TMEM123: variants seen among roughly 807,000 people sequenced by gnomAD.
The protein encoded by TMEM123 is porimin.
In TMEM123, 16 loss-of-function variants were observed where a neutral mutation model predicts 19.7. The ratio of observed to expected loss-of-function variants is 0.81; its 90% CI spans 0.55 to 1.23. TMEM123 has a LOEUF of 1.23. Ranked by LOEUF, TMEM123 falls within the 50% of genes most tolerant of loss-of-function variation. The probability of loss-of-function intolerance (pLI) is 0.00; values close to 1 mark genes in which losing one functional copy is unlikely to be tolerated. For missense variants in TMEM123, 313 were observed against 257.8 expected (o/e 1.21, Z -1.47); for synonymous variants, 118 against 99.4 (o/e 1.19, Z -1.12).
chr11:102,432,365 T>G (rs956453223), intron 2 of TMEM123, among the ~76,000 whole-genome samples: 2 of 152,184 alleles, frequency 1.3e-5, no homozygotes, highest in African/African-American at 4.8e-5. Flanking sequence ...AGATGCAGAT[T>G]TGAGGAACCT....
At chr11:102,429,351 T>A (rs1417713489) in intron 2 of TMEM123, among the ~76,000 whole-genome samples, 1 of 152,228 alleles carries the variant, frequency 6.6e-6, no homozygotes, top group East Asian at 1.9e-4. Context: ...CTCTTCTTCA[T>A]AATCACGCTT....
chr11:102,437,982 C>T (rs1457313716), intron 2 of TMEM123, among the ~76,000 whole-genome samples: 21 of 152,218 alleles, frequency 1.4e-4, no homozygotes, highest in Non-Finnish European at 4.4e-5. Flanking sequence ...CAATCTACAG[C>T]CCTTCCTAGT....
At chr11:102,431,551 C>A (rs1857709947) in intron 2 of TMEM123, among the ~76,000 whole-genome samples, 1 of 152,164 alleles carries the variant, frequency 6.6e-6, no homozygotes, top group South Asian at 2.1e-4. Context: ...TTTTTCCCCA[C>A]CCTGCAGCTT....
chr11:102,451,814 C>A (rs796165738), intron 1 of TMEM123, among the ~76,000 whole-genome samples: 1 of 152,206 alleles, frequency 6.6e-6, no homozygotes, highest in African/African-American at 2.4e-5. Flanking sequence ...TTACTAGCGA[C>A]GACAAGGGCC....
At chr11:102,447,594 C>T (rs796811409) in intron 2 of TMEM123, among the ~76,000 whole-genome samples, 2 of 152,112 alleles carry the variant, frequency 1.3e-5, no homozygotes, top group African/African-American at 2.4e-5. Context: ...TTCAGTAGTG[C>T]AGAATTAGAT....
chr11:102,431,128 T>C lies in TMEM123; in HGVS notation c.157+17684A>G, dbSNP rs188971751. Among the ~76,000 whole-genome samples, 672 of 152,248 alleles carry C rather than the reference T, an allele frequency of 4.4e-3. 5 individuals are homozygous for C. Among genetic ancestry groups the C allele is most frequent in the African/African-American group, 9.3e-3 (386 of 41,540 alleles). On this transcript the variant is annotated intron_variant, in intron 2 of 4. Coordinates refer to ENST00000398136, the MANE Select transcript of TMEM123 (RefSeq NM_052932.3). ...ATTTTAGGAAACTGTGCTTATGTCA[T>C]TGGATTAAAAAAGAAAAACTAAAAA...
intron 2 of TMEM123, among the ~76,000 whole-genome samples, chr11:102,417,652 A>T (rs967802087): frequency 6.6e-6 from 1 of 152,238 alleles, no homozygotes; most frequent in Non-Finnish European, 1.5e-5. Context: ...TCTAAAATTC[A>T]TATGGATCCA....
intron 2 of TMEM123, among the ~76,000 whole-genome samples, chr11:102,422,744 C>A (rs1952097194): frequency 6.6e-6 from 1 of 152,136 alleles, no homozygotes; most frequent in Admixed American, 6.6e-5. Context: ...GCTTTTTGCA[C>A]TCAATATTAT....
intron 2 of TMEM123, among the ~76,000 whole-genome samples, chr11:102,402,729 A>G (rs967068550): frequency 1.3e-5 from 2 of 152,242 alleles, no homozygotes; most frequent in African/African-American, 4.8e-5. Flanking sequence ...GTAAAAGTAA[A>G]GCCAACTTCC....
intron 2 of TMEM123, among the ~76,000 whole-genome samples, chr11:102,425,519 A>T (rs1276628255): frequency 6.7e-6 from 1 of 149,036 alleles, no homozygotes; most frequent in Non-Finnish European, 1.5e-5. Flanking sequence ...TATCAATGCC[A>T]CATCCACTCA....
chr11:102,409,376 T>C (rs942023508), intron 2 of TMEM123, among the ~76,000 whole-genome samples: 15 of 152,140 alleles, frequency 9.9e-5, no homozygotes, highest in African/African-American at 4.8e-5. Context: ...CTCTTTCCTA[T>C]AGAATTTACA....
At chr11:102,443,215 CA>C in intron 2 of TMEM123, among the ~76,000 whole-genome samples, 1 of 152,188 alleles carries the variant, frequency 6.6e-6, no homozygotes, top group Non-Finnish European at 1.5e-5. Flanking sequence ...TCATATGGAA[CA>C]AAAAAATAGC....
At chr11:102,425,510 A>G in intron 2 of TMEM123, among the ~76,000 whole-genome samples, 1 of 150,516 alleles carries the variant, frequency 6.6e-6, no homozygotes, top group Non-Finnish European at 1.5e-5. Context: ...TTGTCCATCT[A>G]TCAATGCCAC....
At chr11:102,443,432 A>T (rs1373080841) in intron 2 of TMEM123, among the ~76,000 whole-genome samples, 4 of 152,234 alleles carry the variant, frequency 2.6e-5, no homozygotes, top group Non-Finnish European at 5.9e-5. Context: ...CCTGACAAAA[A>T]CAAGAAATGA....
At chr11:102,404,350 C>A (rs1951936319) in intron 2 of TMEM123, among the ~76,000 whole-genome samples, 1 of 151,542 alleles carries the variant, frequency 6.6e-6, no homozygotes, top group Non-Finnish European at 1.5e-5. Context: ...GTGGCATGAT[C>A]TCGGCTCAGG....
rs1951883831 is a variant in TMEM123, at chr11:102,398,836, T to TG, written c.*30_*31insC. The TG allele has an allele frequency of 1.2e-6, 2 of 1,607,338 alleles. No homozygotes were observed. Among genetic ancestry groups the TG allele is most frequent in the Non-Finnish European group, 1.7e-6 (2 of 1,177,408 alleles). On this transcript the variant is annotated 3_prime_UTR_variant, in exon 5 of 5. Transcript: ENST00000398136. The stretch of plus-strand genomic sequence containing the variant: ...AAATTAATTGATAGGGCAGCATCAA[T>TG]CTGTATTCCATCCTTGGTCCATGGA...
Position 102,425,350 on chromosome 11 carries a change from A to T in TMEM123, c.158-23144T>A, listed in dbSNP as rs114193985. On this transcript the variant is annotated intron_variant, in intron 2 of 4. Coordinates refer to ENST00000398136, the MANE Select transcript of TMEM123 (RefSeq NM_052932.3). ...GTTACGGTCCACTGTTATGAACACG[A>T]GCAGTATCATTTTATAACAGGTTAT... 2.7e-3 allele frequency among the ~76,000 whole-genome samples: 414 copies of T among 152,366 alleles called. 3 individuals carry two copies. Among genetic ancestry groups the T allele is most frequent in the African/African-American group, 9.4e-3 (391 of 41,588 alleles).
At chr11:102,414,927 T>C (rs1952032195) in intron 2 of TMEM123, among the ~76,000 whole-genome samples, 1 of 152,098 alleles carries the variant, frequency 6.6e-6, no homozygotes, top group South Asian at 2.1e-4. Flanking sequence ...AAGCAAAACC[T>C]AATCGTAAGC....
intron 2 of TMEM123, among the ~76,000 whole-genome samples, chr11:102,407,244 G>T (rs144112417): frequency 1.4e-4 from 22 of 152,348 alleles, no homozygotes; most frequent in African/African-American, 5.1e-4. Flanking sequence ...GTAGGCCTGG[G>T]CTGGCAGAAG....
Sources: gnomAD v4.1 joint callset for allele counts (sites outside exome capture counted in the v4.1 genomes callset) on GRCh38, gnomAD v4.1.1 for gene constraint, MANE v1.5 for transcripts, NCBI Gene and HGNC (gene_info 2026-07-23, HGNC 2026-07-21) for gene names.